Variants in APTX observed in about 807,000 individuals in gnomAD.
APTX encodes aprataxin.
APTX carries 33 observed loss-of-function variants against 42.3 expected under a neutral mutation model. The observed-to-expected ratio is 0.78, with a 90% confidence interval of 0.59 to 1.04. APTX has a LOEUF of 1.04. Among genes scored for constraint, APTX ranks in the 50% least tolerant of loss-of-function variants. The probability of loss-of-function intolerance (pLI) is 0.00; values close to 1 mark genes in which losing one functional copy is unlikely to be tolerated. For synonymous variants in APTX, 130 were observed against 146.7 expected, an observed-to-expected ratio of 0.89 and a Z score of 0.82; for missense variants, 421 against 415.1, an observed-to-expected ratio of 1.01 and a Z score of -0.12.
In APTX at chr9:32,989,492, A is replaced by C. The variant is rs1833024474; in HGVS notation, c.133+267T>G. The C allele has an allele frequency of 6.8e-6, 4 of 587,158 alleles. 1 individual carries two copies. Among genetic ancestry groups the C allele is most frequent in the African/African-American group, 3.7e-5 (2 of 54,418 alleles). 36.4% of individuals were successfully genotyped at this position (587,158 alleles called of 1,614,324 possible). ...ATTGAGCAATGTCCCTGGGGAAAGG[A>C]GGGCAGGACTCAATTCCACCATCCC... On this transcript the variant is annotated intron_variant, in intron 2 of 7. Transcript: ENST00000379817.
chr9:32,981,573 T>G (rs778443573), intron 6 of APTX, among the ~76,000 whole-genome samples: 1 of 152,144 alleles, frequency 6.6e-6, no homozygotes, highest in Non-Finnish European at 1.5e-5. Context: ...GAGAAGTGGT[T>G]CATTCCAGAT....
chr9:33,009,945 C>T (rs760162218), intron 1 of APTX, among the ~76,000 whole-genome samples: 21 of 152,146 alleles, frequency 1.4e-4, no homozygotes, highest in Non-Finnish European at 2.8e-4. Context: ...TTGTCCATCT[C>T]TCTAATCTCA....
In APTX at chr9:33,001,586, A is replaced by G. The variant is rs1836542489; in HGVS notation, c.-24T>C. On this transcript the variant is annotated 5_prime_UTR_variant, in exon 1 of 8. Transcript: ENST00000379817. ...CCTTACCTCCAGAAGTCGGAGACGGACAAATTCACGTTACTCATCTGTGCC... is the reference window on the plus strand; with the variant it reads ...CCTTACCTCCAGAAGTCGGAGACGGGCAAATTCACGTTACTCATCTGTGCC... The G allele has an allele frequency of 1.9e-6, 3 of 1,614,006 alleles. No individual in the cohort carries two copies. Among genetic ancestry groups the G allele is most frequent in the Non-Finnish European group, 2.5e-6 (3 of 1,180,030 alleles).
At chr9:33,005,453 G>C (rs1837070881), upstream of APTX, among the ~76,000 whole-genome samples, 1 of 151,202 alleles carries the variant, frequency 6.6e-6, no homozygotes, top group Non-Finnish European at 1.5e-5. Context: ...TTTTGTTTTT[G>C]TGAGACAGAG....
chr9:32,991,302 T>C (rs901806247), intron 1 of APTX, among the ~76,000 whole-genome samples: 1 of 152,196 alleles, frequency 6.6e-6, no homozygotes, highest in African/African-American at 2.4e-5. Context: ...GAAGTGCTGA[T>C]ATTCTTTTGA....
In APTX at chr9:32,972,888, C is replaced by A; in HGVS notation, c.*610G>T. The A allele has an allele frequency of 4.4e-6, 2 of 454,134 alleles. No individual in the cohort carries two copies. Among genetic ancestry groups the A allele is most frequent in the South Asian group, 1.6e-5 (1 of 64,478 alleles). The allele number at this position is 454,134 out of a possible 1,614,324, so 28.1% of individuals were successfully genotyped here. A position where few individuals can be genotyped will look rare whatever the true frequency, so the allele number is the denominator to read the frequency against. ...GTATTAGAAGAAAACTCCAACCCCC[C>A]ACACCATCATCTAGCCTCTTTTCTC... On this transcript the variant is annotated 3_prime_UTR_variant, in exon 8 of 8. Transcript: ENST00000379817.
At chr9:32,986,813 T>C (rs1832294631) in intron 4 of APTX, among the ~76,000 whole-genome samples, 1 of 151,036 alleles carries the variant, frequency 6.6e-6, no homozygotes, top group Non-Finnish European at 1.5e-5. Flanking sequence ...TTTTTATTAT[T>C]GTTGTTGTTT....
At chr9:33,010,634 G>A (rs567332295) in intron 1 of APTX, among the ~76,000 whole-genome samples, 7 of 151,872 alleles carry the variant, frequency 4.6e-5, no homozygotes, top group African/African-American at 1.5e-4. Flanking sequence ...CAGGAGAATC[G>A]CTTGAACCCG....
At chr9:33,000,301 G>A (rs1023632888) in intron 1 of APTX, among the ~76,000 whole-genome samples, 1 of 152,158 alleles carries the variant, frequency 6.6e-6, no homozygotes, top group African/African-American at 2.4e-5. Context: ...AGGGCAAGCA[G>A]GAGCTGTGGA....
At chr9:33,011,314 G>A (rs1426044512) in intron 1 of APTX, among the ~76,000 whole-genome samples, 1 of 151,088 alleles carries the variant, frequency 6.6e-6, no homozygotes, top group Non-Finnish European at 1.5e-5. Context: ...TTGAGATGGA[G>A]TCTTGCTCTG....
In APTX at chr9:32,989,784, A is replaced by G. The variant is rs149686710; in HGVS notation, c.108T>C (p.Thr36=). 9.9e-6 allele frequency: 16 copies of G among 1,614,134 alleles called. No individual in the cohort carries two copies. In the East Asian group the frequency reaches 2.7e-4, roughly 27 times the overall value. Residue 36 remains threonine (T), a synonymous_variant, in exon 2 of 8, where the codon ACT becomes ACC. Coordinates refer to ENST00000379817, the MANE Select transcript of APTX (RefSeq NM_001195248.2). ...CTTGCTGTCGAGAACATTTCTTATC[A>G]GTGATCTTGGTCTCTGGGCCACGCC... ...VIGRGPETKI[T]DKKCSRQQVQ...
At chr9:33,000,693 A>G (rs1836147113) in intron 1 of APTX, among the ~76,000 whole-genome samples, 1 of 151,578 alleles carries the variant, frequency 6.6e-6, no homozygotes, top group African/African-American at 2.4e-5. Context: ...CTGTGTAACT[A>G]AGAAGAACGA....
intron 6 of APTX, among the ~76,000 whole-genome samples, chr9:32,975,202 G>A (rs1829091324): frequency 1.3e-5 from 2 of 152,270 alleles, no homozygotes; most frequent in South Asian, 2.1e-4. Flanking sequence ...AACGAGGCAG[G>A]AGCCAGGTCA....
At chr9:33,001,645 G>A (rs766995219), upstream of APTX, 3 of 1,612,376 alleles carry the variant, frequency 1.9e-6, no homozygotes, top group Non-Finnish European at 2.5e-6. Context: ...TGACGTCAGA[G>A]GCCGGCTGTA....
intron 6 of APTX, among the ~76,000 whole-genome samples, chr9:32,983,517 G>A (rs1419962587): frequency 6.6e-6 from 1 of 152,140 alleles, no homozygotes; most frequent in Non-Finnish European, 1.5e-5. Flanking sequence ...TGTAAGTTAT[G>A]CCTCAACTTA....
intron 2 of APTX, chr9:32,989,532 A>G: frequency 5.9e-6 from 4 of 674,204 alleles, no homozygotes; most frequent in Non-Finnish European, 1.1e-5. Flanking sequence ...TAACAGTATG[A>G]ACTTGACTGC....
In APTX at chr9:32,974,480, T is replaced by C; in HGVS notation, c.852A>G (p.Thr284=). 6.3e-7 allele frequency: 1 copy of C among 1,598,084 alleles called. No homozygotes were observed. Among genetic ancestry groups the C allele is most frequent in the East Asian group, 2.2e-5 (1 of 44,716 alleles). The change falls in exon 7 of 8, where the codon ACA becomes ACG. Residue 284 remains threonine, a synonymous_variant. Transcript: ENST00000379817. The part of the protein sequence containing the change: ...KNKKHWNSFN[T]EYFLESQAVI... Reference sequence around the variant, plus strand: ...TACCTTGTGATTCTAGGAAGTATTCTGTATTGAAAGAATTCCAATGTTTTT... The same window carrying C: ...TACCTTGTGATTCTAGGAAGTATTCCGTATTGAAAGAATTCCAATGTTTTT...
intron 1 of APTX, among the ~76,000 whole-genome samples, chr9:33,022,800 T>A (rs928477794): frequency 6.6e-6 from 1 of 152,242 alleles, no homozygotes; most frequent in Non-Finnish European, 1.5e-5. Context: ...CCAGTTTTTT[T>A]ATTTTATTTT....
At chr9:33,022,925 T>C (rs932144181) in intron 1 of APTX, among the ~76,000 whole-genome samples, 1 of 152,216 alleles carries the variant, frequency 6.6e-6, no homozygotes, top group African/African-American at 2.4e-5. Flanking sequence ...CACTGCAGCC[T>C]TGACCTCCCA....
Sources: gnomAD v4.1 joint callset for allele counts (sites outside exome capture counted in the v4.1 genomes callset) on GRCh38, gnomAD v4.1.1 for gene constraint, MANE v1.5 for transcripts, NCBI Gene and HGNC (gene_info 2026-07-23, HGNC 2026-07-21) for gene names.